Variants in HHLA2 observed in about 807,000 individuals in gnomAD.
HHLA2 encodes the protein HHLA2 member of B7 family.
HHLA2 carries 48 observed loss-of-function variants against 45.9 expected under a neutral mutation model. The observed-to-expected ratio is 1.05, with a 90% CI of 0.83 to 1.33. HHLA2 has a LOEUF of 1.33. Among genes scored for constraint, HHLA2 ranks in the 40% most tolerant of loss-of-function variants. The pLI is 0.00. For synonymous variants in HHLA2, 161 were observed against 173.9 expected (o/e 0.93, Z 0.59); for missense variants, 462 against 494.3 (o/e 0.93, Z 0.62).
At chr3:108,313,297 G>A (rs763430928) in intron 2 of HHLA2, among the ~76,000 whole-genome samples, 3 of 152,122 alleles carry the variant, frequency 2.0e-5, no homozygotes, top group Non-Finnish European at 4.4e-5. Context: ...ATTGTGATTC[G>A]GGGGAGTGAA....
At chr3:108,320,121 T>C (rs983770208) in intron 2 of HHLA2, among the ~76,000 whole-genome samples, 2 of 152,220 alleles carry the variant, frequency 1.3e-5, no homozygotes, top group Middle Eastern at 3.2e-3. Context: ...CAAATCTGTA[T>C]ACTTTGCAGT....
intron 3 of HHLA2, among the ~76,000 whole-genome samples, chr3:108,340,895 C>G (rs73205912): frequency 1.6e-5 from 1 of 60,736 alleles, no homozygotes; most frequent in African/African-American, 8.4e-5. Flanking sequence ...AAACTCTTTT[C>G]TTTTTTTTTT....
exon 4 of HHLA2, chr3:108,351,870 A>T: frequency 6.2e-7 from 1 of 1,607,430 alleles, no homozygotes; most frequent in South Asian, 1.1e-5. Flanking sequence ...CTCTGAGTGG[A>T]TCTCAAGGTA....
chr3:108,344,304 A>G (rs936263), intron 3 of HHLA2, among the ~76,000 whole-genome samples: 102,738 of 151,930 alleles, frequency 0.68, 35,620 homozygotes, highest in African/African-American at 0.77. Flanking sequence ...AATATGTACA[A>G]AAAAGTCCAG....
intron 1 of HHLA2, among the ~76,000 whole-genome samples, chr3:108,298,386 A>G (rs371758376): frequency 6.6e-6 from 1 of 152,164 alleles, no homozygotes; most frequent in African/African-American, 2.4e-5. Context: ...TTCTAACACA[A>G]TACTATCTTT....
chr3:108,313,816 C>G lies in HHLA2; in HGVS notation c.-105+3075C>G, dbSNP rs139461906. On this transcript the variant is annotated intron_variant, in intron 2 of 10. Transcript: ENST00000619531. ...CCACATAGACATTAACCTCTGTGAC[C>G]TTGGGCAAGTCAGTCCTAACTTACT... Among the ~76,000 whole-genome samples the G allele has an allele frequency of 5.9e-5, 9 of 152,296 alleles. No individual in the cohort carries two copies. In the East Asian group the frequency reaches 1.7e-3, roughly 29 times the overall value.
intron 8 of HHLA2, among the ~76,000 whole-genome samples, chr3:108,374,716 AAC>A (rs1412993948): frequency 6.7e-6 from 1 of 148,242 alleles, no homozygotes; most frequent in African/African-American, 2.5e-5. Context: ...GCAGCCAAAA[AAC>A]ACATGAAAAA....
intron 8 of HHLA2, among the ~76,000 whole-genome samples, chr3:108,366,986 G>A (rs1467783783): frequency 1.3e-5 from 2 of 152,120 alleles, no homozygotes; most frequent in East Asian, 1.9e-4. Context: ...TGCCCCTCTG[G>A]GACAAAGCCT....
intron 3 of HHLA2, among the ~76,000 whole-genome samples, chr3:108,345,496 A>G (rs145624279): frequency 6.6e-6 from 1 of 152,232 alleles, no homozygotes; most frequent in Non-Finnish European, 1.5e-5. Flanking sequence ...CCAATTTACG[A>G]GCCTCCCTAA....
chr3:108,345,834 T>C (rs1039916551), intron 3 of HHLA2, among the ~76,000 whole-genome samples: 1 of 152,320 alleles, frequency 6.6e-6, no homozygotes, highest in South Asian at 2.1e-4. Flanking sequence ...AGGAAGAGCA[T>C]AGGAGCTAAT....
At chr3:108,302,787 G>A (rs10933937) in intron 1 of HHLA2, 14,805 of 152,168 alleles carry the variant, frequency 0.097, 1,464 homozygotes, top group East Asian at 0.53. Context: ...GAAGTCAAGG[G>A]AGGAGAGGTA....
At chr3:108,343,515 A>G (rs549024525) in intron 3 of HHLA2, among the ~76,000 whole-genome samples, 26 of 152,224 alleles carry the variant, frequency 1.7e-4, no homozygotes, top group Non-Finnish European at 2.8e-4. Context: ...AAAGCAGTCT[A>G]TTTTAAAGTA....
intron 1 of HHLA2, among the ~76,000 whole-genome samples, chr3:108,305,333 G>A (rs1391153495): frequency 1.3e-5 from 2 of 152,130 alleles, no homozygotes; most frequent in East Asian, 1.9e-4. Context: ...ACTGCTTCAC[G>A]AGTAGTCAGA....
intron 3 of HHLA2, among the ~76,000 whole-genome samples, chr3:108,341,196 G>A (rs998396734): frequency 8.6e-5 from 13 of 151,850 alleles, no homozygotes; most frequent in African/African-American, 1.7e-4. Context: ...CAGGTAATCC[G>A]CCCGCCTCGG....
At chr3:108,351,856 A>G (rs578129688) in exon 4 of HHLA2, 1 of 1,611,658 alleles carries the variant, frequency 6.2e-7, no homozygotes, top group Admixed American at 1.7e-5. Context: ...CATTCTCATA[A>G]CATCTCTGAG....
intron 1 of HHLA2, among the ~76,000 whole-genome samples, chr3:108,297,003 C>T (rs1012966239): frequency 1.6e-4 from 25 of 152,328 alleles, no homozygotes; most frequent in African/African-American, 6.0e-4. Flanking sequence ...CCAAGATGCA[C>T]TGCGTTCCAT....
intron 7 of HHLA2, among the ~76,000 whole-genome samples, chr3:108,361,031 T>C (rs991613257): frequency 1.3e-5 from 2 of 152,206 alleles, no homozygotes; most frequent in Non-Finnish European, 2.9e-5. Flanking sequence ...TAGCAGAACA[T>C]AGACCATAAG....
intron 3 of HHLA2, among the ~76,000 whole-genome samples, chr3:108,344,686 A>C (rs1482637702): frequency 1.3e-5 from 2 of 152,130 alleles, no homozygotes; most frequent in African/African-American, 4.8e-5. Flanking sequence ...TTCAACACTA[A>C]CTTTATTTAA....
At chr3:108,326,954 T>A (rs2081300235) in intron 2 of HHLA2, 1 of 152,234 alleles carries the variant, frequency 6.6e-6, no homozygotes. Flanking sequence ...TGGTATCATT[T>A]TCCTTCTGCC....
Sources: allele counts gnomAD v4.1 joint callset (sites outside exome capture counted in the v4.1 genomes callset), GRCh38; gene constraint gnomAD v4.1.1; transcripts MANE v1.5; gene names NCBI Gene and HGNC (gene_info 2026-07-23, HGNC 2026-07-21).